The following CADPS2 variants were observed in gnomAD, a reference collection of about 807,000 sequenced individuals.
CADPS2 encodes calcium dependent secretion activator 2.
Under a neutral mutation model 172.5 loss-of-function variants are expected in CADPS2, and 93 were observed. The observed-to-expected ratio is 0.54, with a 90% CI of 0.46 to 0.64. CADPS2 has a LOEUF of 0.64. CADPS2 is among the 30% of genes least tolerant of loss of function. The pLI is 0.00. For synonymous variants in CADPS2, 546 were observed against 555.2 expected (o/e 0.98, Z 0.23); for missense variants, 1,420 against 1,565.9 (o/e 0.91, Z 1.57).
At chr7:122,480,760 G>T (rs2057191779) in intron 12 of CADPS2, 92 bp downstream of exon 12, 2 of 830,758 alleles carry the variant, frequency 2.4e-6, no homozygotes, top group Non-Finnish European at 3.6e-6. Flanking sequence ...GTAGGGGATT[G>T]ATCCTGTAAA....
chr7:122,527,617 A>AGAGTGTGT lies in CADPS2; in HGVS notation c.1476-14303_1476-14302insACACACTC. Among the ~76,000 whole-genome samples, 139 of 83,876 alleles carry AGAGTGTGT rather than the reference A, an allele frequency of 1.7e-3. 1 individual carries two copies. Among genetic ancestry groups the AGAGTGTGT allele is most frequent in the Non-Finnish European group, 2.8e-3 (108 of 38,328 alleles). 55.0% of individuals were successfully genotyped at this position (83,876 alleles called of 152,430 possible). ...GAGAGAGAGAGAGAGAGAGAGAGAG[A>AGAGTGTGT]GTGTGTGTGTGTGTGTGTGTGTGTG... On this transcript the variant is annotated intron_variant, in intron 8 of 29. Coordinates refer to ENST00000449022, the MANE Select transcript of CADPS2 (RefSeq NM_017954.11).
At chr7:122,442,527 A>T (rs2051491757) in intron 15 of CADPS2, among the ~76,000 whole-genome samples, 1 of 152,196 alleles carries the variant, frequency 6.6e-6, no homozygotes, top group Non-Finnish European at 1.5e-5. Context: ...TGCATAAATC[A>T]GGCACTTGGT....
At chr7:122,447,556 T>TA (rs1428887362) in intron 15 of CADPS2, among the ~76,000 whole-genome samples, 1 of 131,806 alleles carries the variant, frequency 7.6e-6, no homozygotes, top group African/African-American at 2.8e-5. Context: ...TTTTTTTTTT[T>TA]TTTTTTTTTT....
intron 2 of CADPS2, among the ~76,000 whole-genome samples, chr7:122,665,545 T>C (rs972153979): frequency 6.6e-6 from 1 of 152,204 alleles, no homozygotes; most frequent in East Asian, 1.9e-4. Context: ...ACCTGAAACA[T>C]GCTCAAAACA....
At chr7:122,564,361 T>G (rs903567763) in intron 7 of CADPS2, among the ~76,000 whole-genome samples, 2 of 152,118 alleles carry the variant, frequency 1.3e-5, no homozygotes, top group Non-Finnish European at 2.9e-5. Context: ...CAGGCTGGAG[T>G]GCAGTGGCAT....
chr7:122,509,129 G>A (rs750882795), intron 9 of CADPS2, among the ~76,000 whole-genome samples: 1 of 152,134 alleles, frequency 6.6e-6, no homozygotes, highest in African/African-American at 2.4e-5. Flanking sequence ...TGTTCTTCAG[G>A]TGGTAGTTTC....
intron 8 of CADPS2, among the ~76,000 whole-genome samples, chr7:122,554,046 G>T (rs2064680767): frequency 6.6e-6 from 1 of 152,124 alleles, no homozygotes; most frequent in Non-Finnish European, 1.5e-5. Flanking sequence ...CCAGGCAACA[G>T]TAGCAGTTTT....
chr7:122,595,889 G>A (rs566320808), intron 6 of CADPS2, among the ~76,000 whole-genome samples: 20 of 152,168 alleles, frequency 1.3e-4, no homozygotes, highest in Admixed American at 3.3e-4. Flanking sequence ...ACAAAAGCAT[G>A]ATGCATAGAG....
chr7:122,573,576 T>C (rs1299729826), intron 7 of CADPS2, among the ~76,000 whole-genome samples: 1 of 152,074 alleles, frequency 6.6e-6, no homozygotes, highest in African/African-American at 2.4e-5. Context: ...GCAGCTCTTT[T>C]TCTAACAACT....
At chr7:122,585,475 A>G (rs1473561385) in intron 6 of CADPS2, 1 of 151,148 alleles carries the variant, frequency 6.6e-6, no homozygotes, top group Non-Finnish European at 1.5e-5. Flanking sequence ...AAAAAAAAAA[A>G]AAGGCAGGAA....
At chr7:122,692,062 T>C (rs545880780) in intron 2 of CADPS2, among the ~76,000 whole-genome samples, 1 of 152,260 alleles carries the variant, frequency 6.6e-6, no homozygotes, top group South Asian at 2.1e-4. Flanking sequence ...TCGGCCAGTC[T>C]CTTATCAAAC....
Position 122,319,958 on chromosome 7 carries a change from C to A in CADPS2, c.*207G>T. 2.3e-6 allele frequency: 1 copy of A among 439,374 alleles called. No homozygotes were observed. The highest frequency in any genetic ancestry group is 3.8e-6 in the Non-Finnish European group (1 of 262,970). The allele number at this position is 439,374 out of a possible 1,614,324, so 27.2% of individuals were successfully genotyped here. A position where few individuals can be genotyped will look rare whatever the true frequency, so the allele number is the denominator to read the frequency against. On this transcript the variant is annotated 3_prime_UTR_variant, in exon 30 of 30. Coordinates refer to ENST00000449022, the MANE Select transcript of CADPS2 (RefSeq NM_017954.11). Reference sequence around the variant, plus strand: ...GGATGCTCTTCTCCAAAAAAACAAACAAACAAACAAACAAAAAAAGGAAAC... The same window carrying A: ...GGATGCTCTTCTCCAAAAAAACAAAAAAACAAACAAACAAAAAAAGGAAAC...
chr7:122,794,296 T>C (rs1795905950), intron 1 of CADPS2, among the ~76,000 whole-genome samples: 2 of 152,022 alleles, frequency 1.3e-5, no homozygotes, highest in Admixed American at 1.3e-4. Flanking sequence ...GTTTTGTTCA[T>C]TTCCTTCTCA....
At chr7:122,414,455 T>C (rs541581359) in intron 18 of CADPS2, among the ~76,000 whole-genome samples, 1 of 152,332 alleles carries the variant, frequency 6.6e-6, no homozygotes, top group African/African-American at 2.4e-5. Context: ...CCTAACACTC[T>C]GACAATAATG....
At chr7:122,508,814 T>C (rs2059812533) in intron 9 of CADPS2, among the ~76,000 whole-genome samples, 1 of 152,142 alleles carries the variant, frequency 6.6e-6, no homozygotes, top group South Asian at 2.1e-4. Flanking sequence ...GGCCACACTA[T>C]TAGCAATGGC....
chr7:122,552,776 T>G (rs2064470879), intron 8 of CADPS2, among the ~76,000 whole-genome samples: 2 of 8,978 alleles, frequency 2.2e-4, no homozygotes, highest in African/African-American at 3.3e-4. Flanking sequence ...TAGGTTCCTG[T>G]TTTTTTTTTT....
At chr7:122,657,421 T>C (rs928285672) in intron 3 of CADPS2, among the ~76,000 whole-genome samples, 1 of 152,226 alleles carries the variant, frequency 6.6e-6, no homozygotes, top group South Asian at 2.1e-4. Context: ...TTTCACGATA[T>C]TGATTCTTCT....
intron 9 of CADPS2, among the ~76,000 whole-genome samples, chr7:122,498,144 C>G (rs531771623): frequency 1.8e-4 from 28 of 152,188 alleles, no homozygotes; most frequent in African/African-American, 6.7e-4. Flanking sequence ...GACGGGGGTT[C>G]ACCACGTTGG....
At chr7:122,578,612 C>G (rs1286619253) in intron 7 of CADPS2, among the ~76,000 whole-genome samples, 1 of 152,094 alleles carries the variant, frequency 6.6e-6, no homozygotes, top group Non-Finnish European at 1.5e-5. Context: ...AGGGCCACAC[C>G]TGAGAACACC....
Sources: gnomAD v4.1 joint callset for allele counts (sites outside exome capture counted in the v4.1 genomes callset) on GRCh38, gnomAD v4.1.1 for gene constraint, MANE v1.5 for transcripts, NCBI Gene and HGNC (gene_info 2026-07-23, HGNC 2026-07-21) for gene names.